IL31RA: variants seen among roughly 807,000 people sequenced by gnomAD.
IL31RA encodes the protein interleukin-31 receptor subunit alpha.
Under a neutral mutation model 83.7 loss-of-function variants are expected in IL31RA, and 66 were observed. That is an observed-to-expected ratio of 0.79 (90% CI 0.65 to 0.97). IL31RA has a LOEUF of 0.97. Among genes scored for constraint, IL31RA ranks in the 50% least tolerant of loss-of-function variants. IL31RA has a pLI of 0.00. For missense variants in IL31RA, 798 were observed against 919.4 expected, an observed-to-expected ratio of 0.87 and a Z score of 1.71; for synonymous variants, 325 against 329.0, an observed-to-expected ratio of 0.99 and a Z score of 0.13.
At chr5:55,863,369 T>C (rs149818128) in intron 2 of IL31RA, among the ~76,000 whole-genome samples, 1 of 152,290 alleles carries the variant, frequency 6.6e-6, no homozygotes, top group Non-Finnish European at 1.5e-5. Context: ...GCCTAAAATA[T>C]TAGTATTTAA....
chr5:55,859,388 CAAATA>C, intron 1 of IL31RA, 116 bp from the exon 2 acceptor site: 2 of 751,756 alleles, frequency 2.7e-6, no homozygotes, highest in Middle Eastern at 3.2e-4. Context: ...TGATAGTCAA[CAAATA>C]AAATAAAATA....
At chr5:55,865,089 C>A (rs1053522958) in intron 2 of IL31RA, among the ~76,000 whole-genome samples, 1 of 152,196 alleles carries the variant, frequency 6.6e-6, no homozygotes, top group Non-Finnish European at 1.5e-5. Context: ...TGTTAACATT[C>A]TGTTTGCTGA....
chr5:55,847,963 A>G (rs1244542665), upstream of IL31RA, among the ~76,000 whole-genome samples: 2 of 152,164 alleles, frequency 1.3e-5, no homozygotes. Context: ...TCATTACTAG[A>G]CTGGGCTTGT....
chr5:55,860,327 C>G (rs1431122298), intron 2 of IL31RA, among the ~76,000 whole-genome samples: 1 of 151,480 alleles, frequency 6.6e-6, no homozygotes. Context: ...CTAGATTGTG[C>G]CACGGCACTC....
In IL31RA at chr5:55,883,027, A is replaced by G. The variant is rs751212042; in HGVS notation, c.455-17A>G. ...ATCTTTTTGCAGATATGAGAGTTGT[A>G]TGATTTTTATTTTCAGCGAAAACTG... On this transcript the variant is annotated splice_polypyrimidine_tract_variant and intron_variant, in intron 4 of 14. Transcript: ENST00000652347. 6.2e-7 allele frequency: 1 copy of G among 1,612,940 alleles called. No homozygotes were observed. The highest frequency in any genetic ancestry group is 1.1e-5 in the South Asian group (1 of 91,038).
the IL31RA span, among the ~76,000 whole-genome samples, chr5:55,841,491 C>T: frequency 6.6e-6 from 1 of 152,328 alleles, no homozygotes; most frequent in South Asian, 2.1e-4. Context: ...CATCCACAGG[C>T]AGGGACTTAA....
intron 12 of IL31RA, 116 bp downstream of exon 12, chr5:55,910,788 C>T (rs1749460384): frequency 2.7e-6 from 3 of 1,116,116 alleles, no homozygotes; most frequent in African/African-American, 1.5e-5. Context: ...GCCTAGTGCC[C>T]TGCCATCCTG....
rs989194077 is a variant in IL31RA at position 55,918,801 on chromosome 5, C to G, written c.*1681C>G. Among the ~76,000 whole-genome samples, 2 of 152,128 alleles carry G rather than the reference C, an allele frequency of 1.3e-5. No individual in the cohort carries two copies. The highest frequency in any genetic ancestry group is 2.9e-5 in the Non-Finnish European group (2 of 68,030). ...CATCTCCAGCGGCTGCAGCCACCCC[C>G]CCACCACCCACCCAGGACTCAGTAC... On this transcript the variant is annotated 3_prime_UTR_variant, in exon 15 of 15. Transcript: ENST00000652347.
At chr5:55,906,497 C>T (rs1461667454) in intron 9 of IL31RA, among the ~76,000 whole-genome samples, 3 of 152,162 alleles carry the variant, frequency 2.0e-5, no homozygotes, top group African/African-American at 4.8e-5. Context: ...GACCAGGTAT[C>T]TGATCGATCT....
chr5:55,868,776 G>T lies in IL31RA; in HGVS notation c.155-15G>T, dbSNP rs1746339118. On this transcript the variant is annotated splice_polypyrimidine_tract_variant and intron_variant, in intron 2 of 14. Coordinates refer to ENST00000652347, the MANE Select transcript of IL31RA (RefSeq NM_139017.7). Reference sequence around the variant, plus strand: ...AATTTTTGTGTTTGTGTGTGTGTGTGTTTAATTTATTTAGCTCTGCCAGCT... The same window carrying T: ...AATTTTTGTGTTTGTGTGTGTGTGTTTTTAATTTATTTAGCTCTGCCAGCT... 2 of 1,383,134 alleles carry T rather than the reference G, an allele frequency of 1.4e-6. No individual in the cohort carries two copies. The highest frequency in any genetic ancestry group is 1.2e-5 in the South Asian group (1 of 86,208). The allele number at this position is 1,383,134 out of a possible 1,614,324, so 85.7% of individuals were successfully genotyped here.
chr5:55,859,038 G>T (rs1429864634), intron 1 of IL31RA, among the ~76,000 whole-genome samples: 2 of 152,224 alleles, frequency 1.3e-5, no homozygotes, highest in East Asian at 3.8e-4. Flanking sequence ...GGGAAGGAGA[G>T]CCTTGAAATG....
chr5:55,890,768 C>A (rs973308545), intron 6 of IL31RA, among the ~76,000 whole-genome samples: 4 of 152,166 alleles, frequency 2.6e-5, no homozygotes, highest in African/African-American at 9.7e-5. Flanking sequence ...GTAACTAATA[C>A]AATTTAAAAA....
In IL31RA at chr5:55,859,558, C is replaced by T; in HGVS notation, c.113C>T (p.Ala38Val). Reference protein sequence around the residue: ...CVNLGMMWTWALWMLPSLCKF... With the variant: ...CVNLGMMWTWVLWMLPSLCKF... ...AACCTGGGGATGATGTGGACCTGGG[C>T]ACTGTGGATGCTCCCCTCACTCTGC... The change falls in exon 2 of 15, where the codon GCA becomes GTA. Residue 38 changes from alanine to valine, a missense_variant. Physicochemically the swap from Ala to Val is moderately conservative, Grantham distance 64. Coordinates refer to ENST00000652347, the MANE Select transcript of IL31RA (RefSeq NM_139017.7). 4 of 1,612,910 alleles carry T rather than the reference C, an allele frequency of 2.5e-6. No individual in the cohort carries two copies. The highest frequency in any genetic ancestry group is 3.4e-6 in the Non-Finnish European group (4 of 1,179,050).
At chr5:55,896,115 C>T (rs1341834188) in intron 6 of IL31RA, among the ~76,000 whole-genome samples, 7 of 152,170 alleles carry the variant, frequency 4.6e-5, no homozygotes, top group Non-Finnish European at 7.4e-5. Context: ...CTTTATCTTA[C>T]ATTAAATCAT....
intron 6 of IL31RA, among the ~76,000 whole-genome samples, chr5:55,892,565 A>T (rs1188861282): frequency 6.6e-6 from 1 of 152,240 alleles, no homozygotes; most frequent in Non-Finnish European, 1.5e-5. Context: ...GGAGATGTTC[A>T]TGCAGTATCA....
intron 14 of IL31RA, 110 bp downstream of exon 14, chr5:55,915,038 A>G: frequency 1.2e-6 from 1 of 834,026 alleles, no homozygotes; most frequent in Admixed American, 1.9e-5. Flanking sequence ...TCACATCAAG[A>G]GAACTGGAGT....
Position 55,872,386 on chromosome 5 carries a change from T to G in IL31RA, c.389T>G (p.Val130Gly). The G allele has an allele frequency of 6.2e-7, 1 of 1,612,036 alleles. No individual in the cohort carries two copies. The highest frequency in any genetic ancestry group is 8.5e-7 in the Non-Finnish European group (1 of 1,178,224). ...ATCCCAGATAATTATACCATTGAGG[T>G]GGAAGCTGAAAATGGAGATGGTGTA... ...ITIPDNYTIEVEAENGDGVIK... is the reference protein window; with the variant it reads ...ITIPDNYTIEGEAENGDGVIK... Residue 130 changes from valine to glycine, a missense_variant, in exon 4 of 15, where the codon GTG (valine) becomes GGG (glycine). Transcript: ENST00000652347.
chr5:55,895,599 T>C (rs1748283899), intron 6 of IL31RA, among the ~76,000 whole-genome samples: 1 of 152,232 alleles, frequency 6.6e-6, no homozygotes, highest in Admixed American at 6.5e-5. Context: ...CTATGAAAAA[T>C]GCACATATAT....
intron 2 of IL31RA, among the ~76,000 whole-genome samples, chr5:55,861,054 C>T (rs116463661): frequency 1.3e-3 from 192 of 152,310 alleles, no homozygotes; most frequent in African/African-American, 4.3e-3. Context: ...AACTTAATTA[C>T]CTCTTCAAGT....
Sources: gnomAD v4.1 joint callset for allele counts (sites outside exome capture counted in the v4.1 genomes callset) on GRCh38, gnomAD v4.1.1 for gene constraint, MANE v1.5 for transcripts, NCBI Gene and HGNC (gene_info 2026-07-23, HGNC 2026-07-21) for gene names.